The following SH2D4A variants were observed in gnomAD, a reference collection of about 807,000 sequenced individuals.
The protein encoded by SH2D4A is SH2 domain-containing protein 4A.
SH2D4A carries 70 observed loss-of-function variants against 64.7 expected under a neutral mutation model. The observed-to-expected ratio is 1.08, with a 90% CI of 0.89 to 1.32. SH2D4A has a LOEUF of 1.32. Ranked by LOEUF, SH2D4A falls within the 40% of genes most tolerant of loss-of-function variation. SH2D4A has a pLI of 0.00. For synonymous variants in SH2D4A, 268 were observed against 200.7 expected (o/e 1.34, Z -2.83); for missense variants, 706 against 540.1 (o/e 1.31, Z -3.04).
rs1177908189 is a variant in SH2D4A at position 19,313,758 on chromosome 8, G to A, written c.-270G>A. 5 of 1,508,994 alleles carry A rather than the reference G, an allele frequency of 3.3e-6. No individual in the cohort carries two copies. The highest frequency in any genetic ancestry group is 2.1e-5 in the Admixed American group (1 of 48,716). The allele number at this position is 1,508,994 out of a possible 1,614,324, so 93.5% of individuals were successfully genotyped here. On this transcript the variant is annotated 5_prime_UTR_variant, in exon 1 of 10. Transcript: ENST00000265807. ...CCTTTCCCTCCCTCCCTTCCCCGAC[G>A]GCTTCTGGCGGCCAAGTGGATGTGG... is the stretch of plus-strand genomic sequence containing the variant.
intron 8 of SH2D4A, among the ~76,000 whole-genome samples, chr8:19,389,062 A>G (rs972482707): frequency 1.5e-4 from 23 of 152,334 alleles, no homozygotes; most frequent in Middle Eastern, 3.4e-3. Context: ...CAGCAGGTCT[A>G]GGAGAAACTG....
chr8:19,365,418 G>A (rs1450672271), intron 7 of SH2D4A, among the ~76,000 whole-genome samples: 1 of 152,140 alleles, frequency 6.6e-6, no homozygotes, highest in African/African-American at 2.4e-5. Flanking sequence ...TCAGGAAATA[G>A]GAGTCTCTTA....
At chr8:19,387,408 TTTG>T (rs2153651974) in intron 8 of SH2D4A, among the ~76,000 whole-genome samples, 1 of 151,506 alleles carries the variant, frequency 6.6e-6, no homozygotes, top group East Asian at 1.9e-4. Context: ...GCTAATAGTT[TTTG>T]TTGTTCTTTG....
intron 8 of SH2D4A, among the ~76,000 whole-genome samples, chr8:19,385,085 A>C (rs1432800023): frequency 6.6e-6 from 1 of 152,148 alleles, no homozygotes; most frequent in Non-Finnish European, 1.5e-5. Flanking sequence ...TTTTGCTGTC[A>C]TGGCATACAA....
At chr8:19,345,265 G>A (rs1336534063) in intron 4 of SH2D4A, among the ~76,000 whole-genome samples, 1 of 152,196 alleles carries the variant, frequency 6.6e-6, no homozygotes, top group Admixed American at 6.5e-5. Flanking sequence ...GGAGTCCTAG[G>A]AGTTCACGGT....
chr8:19,361,688 A>G (rs760641973), intron 6 of SH2D4A, among the ~76,000 whole-genome samples: 4 of 152,090 alleles, frequency 2.6e-5, no homozygotes, highest in Non-Finnish European at 5.9e-5. Context: ...ATGTCTAAGT[A>G]TCTGAAGGAA....
At chr8:19,380,506 G>T (rs887543896) in intron 8 of SH2D4A, among the ~76,000 whole-genome samples, 1 of 152,056 alleles carries the variant, frequency 6.6e-6, no homozygotes, top group Non-Finnish European at 1.5e-5. Flanking sequence ...CCAGTTTTAG[G>T]TCTTACATTT....
chr8:19,383,568 G>A (rs1223928287), intron 8 of SH2D4A, among the ~76,000 whole-genome samples: 1 of 151,924 alleles, frequency 6.6e-6, no homozygotes, highest in Non-Finnish European at 1.5e-5. Context: ...GCTGAAAACT[G>A]GGTATTTGAA....
rs186617595 is a variant in SH2D4A at position 19,338,358 on chromosome 8, A to G, written c.513+3501A>G. Among the ~76,000 whole-genome samples, 284 of 152,272 alleles carry G rather than the reference A, an allele frequency of 1.9e-3. 1 individual carries two copies. Among genetic ancestry groups the G allele is most frequent in the African/African-American group, 5.9e-3 (246 of 41,520 alleles). ...TATTTGTTAGGCAGAATAATGGCAAATATATCCACATTTAGATCTCTCAGA... is the reference window on the plus strand; with the variant it reads ...TATTTGTTAGGCAGAATAATGGCAAGTATATCCACATTTAGATCTCTCAGA... On this transcript the variant is annotated intron_variant, in intron 4 of 9. Coordinates refer to ENST00000265807, the MANE Select transcript of SH2D4A (RefSeq NM_022071.4).
chr8:19,373,441 T>C (rs2053138485), intron 7 of SH2D4A, 89 bp from the exon 8 acceptor site: 6 of 853,392 alleles, frequency 7.0e-6, no homozygotes, highest in Non-Finnish European at 9.6e-6. Context: ...TGTATGTGTG[T>C]GTGTATATAT....
In SH2D4A at chr8:19,394,922, A is replaced by G. The variant is rs187018049; in HGVS notation, c.*280A>G. 5.9e-3 allele frequency: 1,476 copies of G among 249,668 alleles called. 10 individuals carry two copies. Among genetic ancestry groups the G allele is most frequent in the Non-Finnish European group, 7.2e-3 (958 of 132,174 alleles). The allele number at this position is 249,668 out of a possible 1,614,324, so 15.5% of individuals were successfully genotyped here. On this transcript the variant is annotated 3_prime_UTR_variant, in exon 10 of 10. Coordinates refer to ENST00000265807, the MANE Select transcript of SH2D4A (RefSeq NM_022071.4). Reference sequence around the variant, plus strand: ...TGACCTTAATGATGTACATAAAATAAAACAAATGAAGAAATGGAAAACTTT... The same window carrying G: ...TGACCTTAATGATGTACATAAAATAGAACAAATGAAGAAATGGAAAACTTT...
At chr8:19,329,310 T>C (rs1303574003) in intron 2 of SH2D4A, among the ~76,000 whole-genome samples, 2 of 152,232 alleles carry the variant, frequency 1.3e-5, no homozygotes. Flanking sequence ...TAATGTATGC[T>C]GCCCTGGCCC....
At chr8:19,366,592 C>T (rs943369425) in intron 7 of SH2D4A, among the ~76,000 whole-genome samples, 1 of 152,054 alleles carries the variant, frequency 6.6e-6, no homozygotes, top group African/African-American at 2.4e-5. Flanking sequence ...GTCAGGAGTT[C>T]GAGACCAGCC....
At chr8:19,336,930 CT>C (rs369881786) in intron 4 of SH2D4A, among the ~76,000 whole-genome samples, 6,004 of 150,392 alleles carry the variant, frequency 0.04, 190 homozygotes, top group South Asian at 0.097. Flanking sequence ...TTTTTTAGAC[CT>C]TTTTTTTTCA....
At chr8:19,337,380 C>T (rs868293915) in intron 4 of SH2D4A, among the ~76,000 whole-genome samples, 6 of 152,112 alleles carry the variant, frequency 3.9e-5, no homozygotes, top group East Asian at 1.9e-4. Flanking sequence ...ATTTATCCCC[C>T]GAAATTTATG....
intron 4 of SH2D4A, among the ~76,000 whole-genome samples, chr8:19,340,839 C>A (rs1305005562): frequency 6.6e-6 from 1 of 152,076 alleles, no homozygotes; most frequent in Non-Finnish European, 1.5e-5. Flanking sequence ...CTCGAGTGAT[C>A]CTCCTGTCTC....
chr8:19,338,914 A>C (rs1458558379), intron 4 of SH2D4A, among the ~76,000 whole-genome samples: 2 of 152,216 alleles, frequency 1.3e-5, no homozygotes, highest in African/African-American at 4.8e-5. Context: ...CGTATATATG[A>C]AAGGGAGTTT....
intron 8 of SH2D4A, among the ~76,000 whole-genome samples, chr8:19,378,898 C>T (rs1013291652): frequency 7.2e-6 from 1 of 138,862 alleles, no homozygotes; most frequent in Non-Finnish European, 1.5e-5. Flanking sequence ...AACATGGCAA[C>T]ACCCCATCTC....
intron 8 of SH2D4A, chr8:19,375,406 C>G (rs1401385417): frequency 1.3e-5 from 2 of 152,128 alleles, no homozygotes; most frequent in Non-Finnish European, 2.9e-5. Context: ...ATCATCTTTT[C>G]TTTGTCACAT....
Sources: gnomAD v4.1 joint callset for allele counts (sites outside exome capture counted in the v4.1 genomes callset) on GRCh38, gnomAD v4.1.1 for gene constraint, MANE v1.5 for transcripts, NCBI Gene and HGNC (gene_info 2026-07-23, HGNC 2026-07-21) for gene names.